OXR1: variants seen among roughly 807,000 people sequenced by gnomAD.
The protein encoded by OXR1 is oxidation resistance 1.
A neutral mutation model predicts 104.6 loss-of-function variants in OXR1; 41 were observed. The observed-to-expected ratio is 0.39, with a 90% CI of 0.31 to 0.51. The LOEUF is 0.51. OXR1 is among the 20% of genes least tolerant of loss of function. The pLI is 0.77. For missense variants in OXR1, 955 were observed against 1,031.9 expected (o/e 0.93, Z 1.02); for synonymous variants, 348 against 348.4 (o/e 1.00, Z 0.01).
At chr8:106,648,581 T>C (rs578025739) in intron 3 of OXR1, among the ~76,000 whole-genome samples, 25 of 152,196 alleles carry the variant, frequency 1.6e-4, no homozygotes, top group Admixed American at 1.6e-3. Flanking sequence ...AAAAGAACAA[T>C]GTTTCCTTTA....
intron 1 of OXR1, among the ~76,000 whole-genome samples, chr8:106,353,365 AAAT>A (rs71307055): frequency 2.4e-4 from 35 of 147,444 alleles, no homozygotes; most frequent in East Asian, 8.0e-4. Flanking sequence ...CTCTGTCTCA[AAAT>A]AATAATAATA....
intron 3 of OXR1, among the ~76,000 whole-genome samples, chr8:106,588,934 C>A (rs1818859828): frequency 6.6e-6 from 1 of 152,194 alleles, no homozygotes; most frequent in African/African-American, 2.4e-5. Context: ...ACTTTGTAAC[C>A]AAAATGCAGA....
chr8:106,403,226 C>T (rs80083074), intron 2 of OXR1, among the ~76,000 whole-genome samples: 2,868 of 152,312 alleles, frequency 0.019, 92 homozygotes, highest in African/African-American at 0.066. Context: ...AGTAGGCTTC[C>T]TATTTCTTTT....
chr8:106,720,346 T>A (rs772467482), intron 11 of OXR1, among the ~76,000 whole-genome samples: 1 of 152,136 alleles, frequency 6.6e-6, no homozygotes, highest in Non-Finnish European at 1.5e-5. Flanking sequence ...GGTAGTTACA[T>A]TGTGCAGTCA....
chr8:106,694,475 A>C (rs866541352), intron 7 of OXR1, among the ~76,000 whole-genome samples: 1 of 113,836 alleles, frequency 8.8e-6, no homozygotes, highest in Non-Finnish European at 1.7e-5. Context: ...AAATATATTT[A>C]TATATATATT....
At chr8:106,518,014 T>G (rs1453742145) in intron 2 of OXR1, among the ~76,000 whole-genome samples, 1 of 152,176 alleles carries the variant, frequency 6.6e-6, no homozygotes, top group African/African-American at 2.4e-5. Context: ...GCTTCCCAGA[T>G]GTCACGTTGA....
intron 3 of OXR1, among the ~76,000 whole-genome samples, chr8:106,575,606 A>C (rs878960190): frequency 6.6e-6 from 1 of 152,012 alleles, no homozygotes; most frequent in African/African-American, 2.4e-5. Flanking sequence ...GTAAATGAAG[A>C]TATCTCATTT....
intron 2 of OXR1, among the ~76,000 whole-genome samples, chr8:106,419,848 G>C (rs746295236): frequency 6.6e-6 from 1 of 152,046 alleles, no homozygotes; most frequent in African/African-American, 2.4e-5. Context: ...ATCAACATGC[G>C]AATTGGACTC....
At chr8:106,527,499 CTT>C (rs1282296343) in intron 3 of OXR1, among the ~76,000 whole-genome samples, 1 of 152,168 alleles carries the variant, frequency 6.6e-6, no homozygotes, top group Non-Finnish European at 1.5e-5. Flanking sequence ...GCTAAAAACT[CTT>C]TGTGGTTTCT....
chr8:106,313,631 C>A (rs896290143), intron 1 of OXR1, among the ~76,000 whole-genome samples: 1 of 91,270 alleles, frequency 1.1e-5, no homozygotes, highest in Non-Finnish European at 2.2e-5. Flanking sequence ...ATCCAATGTA[C>A]GTTTATTCTC....
chr8:106,749,258 G>A (rs537415851), intron 16 of OXR1, among the ~76,000 whole-genome samples: 5 of 151,688 alleles, frequency 3.3e-5, no homozygotes, highest in Admixed American at 2.6e-4. Context: ...CAGGAGAATG[G>A]CGTGAACCCA....
rs1554634713 is a variant in OXR1, at chr8:106,405,239, G to GTA, written c.23+45606_23+45607dup. ...TGTGTGTGTGTGTGTGTGTGTGTGT[G>GTA]TATAGGCTCATGTGATTATGGAGGC... On this transcript the variant is annotated intron_variant, in intron 2 of 16. Coordinates refer to ENST00000517566, the MANE Select transcript of OXR1 (RefSeq NM_001198533.2). Among the ~76,000 whole-genome samples the GTA allele has an allele frequency of 2.3e-3, 301 of 133,128 alleles. 15 individuals carry two copies. The highest frequency in any genetic ancestry group is 8.0e-3 in the African/African-American group (275 of 34,192). The allele number at this position is 133,128 out of a possible 152,430, so 87.3% of individuals were successfully genotyped here. A position where few individuals can be genotyped will look rare whatever the true frequency, so the allele number is the denominator to read the frequency against.
At chr8:106,667,510 A>G (rs1826469636) in intron 3 of OXR1, among the ~76,000 whole-genome samples, 1 of 152,188 alleles carries the variant, frequency 6.6e-6, no homozygotes, top group Non-Finnish European at 1.5e-5. Flanking sequence ...CTTACAATGA[A>G]AAGTTCCTAA....
In OXR1 at chr8:106,349,483, T is replaced by G. The variant is rs145132424; in HGVS notation, c.-138-9993T>G. ...AGAAAGTGACTTCAAGATATGTAGT[T>G]GAGCAGTAAACAAAGCAAAACAGAA... On this transcript the variant is annotated intron_variant, in intron 1 of 16. Transcript: ENST00000517566. Among the ~76,000 whole-genome samples the G allele has an allele frequency of 2.4e-3, 371 of 152,218 alleles. 1 individual carries two copies. Among genetic ancestry groups the G allele is most frequent in the African/African-American group, 8.7e-3 (362 of 41,540 alleles).
At chr8:106,308,933 G>T (rs753162280) in intron 1 of OXR1, among the ~76,000 whole-genome samples, 4 of 152,046 alleles carry the variant, frequency 2.6e-5, no homozygotes, top group Non-Finnish European at 5.9e-5. Context: ...AGTACTCAAT[G>T]AAAAGCTCTG....
At chr8:106,736,968 T>C (rs1834433003) in intron 11 of OXR1, among the ~76,000 whole-genome samples, 1 of 152,176 alleles carries the variant, frequency 6.6e-6, no homozygotes, top group African/African-American at 2.4e-5. Context: ...AGAGCTTATT[T>C]TTCTTATTGC....
At chr8:106,647,590 A>G (rs963758272) in intron 3 of OXR1, among the ~76,000 whole-genome samples, 1 of 152,222 alleles carries the variant, frequency 6.6e-6, no homozygotes, top group African/African-American at 2.4e-5. Flanking sequence ...TAGTGACTGT[A>G]TAATAGATTC....
rs577915433 is a variant in OXR1 at position 106,277,151 on chromosome 8, A to G, written c.-139+6784A>G. On this transcript the variant is annotated intron_variant, in intron 1 of 16. Transcript: ENST00000517566. ...TTATTTGTAATTTATGGTGACTGAT[A>G]TGCATATGATCAATTGGAATAATGA... Among the ~76,000 whole-genome samples, 13 of 152,346 alleles carry G rather than the reference A, an allele frequency of 8.5e-5. 1 individual carries two copies. The highest frequency in any genetic ancestry group is 6.8e-3 in the Middle Eastern group (2 of 294).
At chr8:106,704,210 A>T (rs899340225) in intron 8 of OXR1, among the ~76,000 whole-genome samples, 2 of 152,056 alleles carry the variant, frequency 1.3e-5, no homozygotes, top group Non-Finnish European at 2.9e-5. Flanking sequence ...ATCCAAGGCC[A>T]GTTTCAGCAA....
Sources: gnomAD v4.1 joint callset for allele counts (sites outside exome capture counted in the v4.1 genomes callset) on GRCh38, gnomAD v4.1.1 for gene constraint, MANE v1.5 for transcripts, NCBI Gene and HGNC (gene_info 2026-07-23, HGNC 2026-07-21) for gene names.